The following CHRNB4 variants were observed in gnomAD, a reference collection of about 807,000 sequenced individuals.
CHRNB4 encodes the protein cholinergic receptor nicotinic beta 4 subunit, also known as neuronal acetylcholine receptor subunit beta-4.
A neutral mutation model predicts 40.4 loss-of-function variants in CHRNB4; 23 were observed. The observed-to-expected ratio is 0.57, with a 90% confidence interval of 0.41 to 0.81. CHRNB4 has a LOEUF of 0.81. CHRNB4 is among the 30% of genes least tolerant of loss of function. CHRNB4 has a pLI of 0.00. For synonymous variants in CHRNB4, 285 were observed against 274.4 expected (o/e 1.04, Z -0.38); for missense variants, 568 against 670.6 (o/e 0.85, Z 1.69).
Position 78,629,438 on chromosome 15 carries a change from G to C in CHRNB4, c.867C>G (p.Ser289=), listed in dbSNP as rs1165252545. The C allele has an allele frequency of 6.2e-7, 1 of 1,613,986 alleles. No individual in the cohort carries two copies. The highest frequency in any genetic ancestry group is 1.3e-5 in the African/African-American group (1 of 74,906). Residue 289 remains serine, a synonymous_variant, in exon 5 of 6, where the codon TCC becomes TCG. Transcript: ENST00000261751. This position sits in a 1 kb window ranked among gnomAD's most constrained non-coding sequence, Gnocchi z 6.8. Reference sequence around the variant, plus strand: ...ACTTGCCGATGAGAGGCACATCGAGGGAGGTGGGTGGCACGATCTTGGAGA... The same window carrying C: ...ACTTGCCGATGAGAGGCACATCGAGCGAGGTGGGTGGCACGATCTTGGAGA... The part of the protein sequence containing the change: ...LLISKIVPPT[S]LDVPLIGKYL...
rs146091171 is a variant in CHRNB4, at chr15:78,634,551, G to C, written c.204+888C>G. On this transcript the variant is annotated intron_variant, in intron 2 of 5. Transcript: ENST00000261751. The stretch of plus-strand genomic sequence containing the variant: ...GGCCAAAGCCTTCCTGAGGGCTGTA[G>C]GTTTGACAGGCTGGGTGTGTGTGGG... The C allele has an allele frequency of 2.5e-3, 873 of 348,024 alleles. 11 individuals are homozygous for C. Among genetic ancestry groups the C allele is most frequent in the African/African-American group, 0.015 (712 of 46,994 alleles). 21.6% of individuals were successfully genotyped at this position (348,024 alleles called of 1,614,324 possible).
upstream of CHRNB4, chr15:78,660,937 C>G: frequency 2.6e-6 from 1 of 391,344 alleles, no homozygotes; most frequent in Non-Finnish European, 4.9e-6. Flanking sequence ...TTGATTGAAA[C>G]GCAGTTTCTG....
intron 1 of CHRNB4, among the ~76,000 whole-genome samples, chr15:78,640,401 TCA>T (rs1324150923): frequency 6.6e-6 from 1 of 152,198 alleles, no homozygotes; most frequent in African/African-American, 2.4e-5. Flanking sequence ...AGCCTGGCCC[TCA>T]GTCAAGCTGG....
At chr15:78,633,132 G>A (rs140866916) in intron 2 of CHRNB4, among the ~76,000 whole-genome samples, 72 of 152,216 alleles carry the variant, frequency 4.7e-4, no homozygotes, top group Non-Finnish European at 7.9e-4. Context: ...TAAGTCTTGT[G>A]TTCTCAGTCT....
chr15:78,632,915 C>G (rs2053865166), intron 2 of CHRNB4, among the ~76,000 whole-genome samples: 1 of 152,144 alleles, frequency 6.6e-6, no homozygotes, highest in African/African-American at 2.4e-5. Flanking sequence ...CGTACGCAGC[C>G]CAAATAAACC....
intron 6 of CHRNB4, among the ~76,000 whole-genome samples, chr15:78,650,525 C>T (rs970220737): frequency 4.6e-5 from 7 of 152,216 alleles, no homozygotes; most frequent in African/African-American, 1.7e-4. Flanking sequence ...TCACCCCCAA[C>T]CTGAACTGCC....
upstream of CHRNB4, among the ~76,000 whole-genome samples, chr15:78,644,626 T>G (rs111256493): frequency 9.3e-4 from 141 of 152,274 alleles, no homozygotes; most frequent in African/African-American, 3.1e-3. Context: ...ACAAAAGGCC[T>G]AAGACAAATA....
chr15:78,625,955 G>A (rs940089474), intron 5 of CHRNB4: 1 of 152,412 alleles, frequency 6.6e-6, no homozygotes, highest in Non-Finnish European at 1.5e-5. Context: ...TTGCACTGGG[G>A]GAGAACCTAG....
At position 78,629,384 on chromosome 15, in the gene CHRNB4, G is replaced by A; in HGVS notation, c.921C>T (p.Thr307=). Residue 307 remains threonine, a synonymous_variant, in exon 5 of 6, where the codon ACC becomes ACT. Transcript: ENST00000261751. This position sits in a 1 kb window ranked among gnomAD's most constrained non-coding sequence, Gnocchi z 6.8. ...CACAGACGCTGGTGACGATGGAGAA[G>A]GTGACCAGCACCATGGTGAACATGA... ...KYLMFTMVLV[T]FSIVTSVCVL... The A allele has an allele frequency of 1.2e-6, 2 of 1,614,138 alleles. No homozygotes were observed. The highest frequency in any genetic ancestry group is 1.7e-6 in the Non-Finnish European group (2 of 1,180,024).
Position 78,629,348 on chromosome 15 carries a change from C to T in CHRNB4, c.957G>A (p.Val319=), listed in dbSNP as rs149208039. The change falls in exon 5 of 6, where the codon GTG becomes GTA. Residue 319 remains valine, a synonymous_variant. Transcript: ENST00000261751. This position sits in a 1 kb window ranked among gnomAD's most constrained non-coding sequence, Gnocchi z 6.8. ...SIVTSVCVLN[V]HHRSPSTHTM... ...TGTGGGTGCTGGGCGAGCGGTGGTG[C>T]ACATTGAGCACACAGACGCTGGTGA... 9.3e-6 allele frequency: 15 copies of T among 1,613,914 alleles called. No individual in the cohort carries two copies. Among genetic ancestry groups the T allele is most frequent in the Non-Finnish European group, 1.3e-5 (15 of 1,180,036 alleles).
chr15:78,635,566 G>C lies in CHRNB4; in HGVS notation c.77C>G (p.Ala26Gly). The C allele has an allele frequency of 1.2e-6, 2 of 1,614,070 alleles. No individual in the cohort carries two copies. The highest frequency in any genetic ancestry group is 1.7e-6 in the Non-Finnish European group (2 of 1,179,998). ...AAGGTCGTCCATCAGCTTTTCCTCC[G>C]CATTGGCCACGCGGCAGTTCCCTGA... ...CGRGNCRVAN[A>G]EEKLMDDLLN... is the part of the protein sequence containing the mutation. Residue 26 changes from alanine to glycine, a missense_variant, in exon 2 of 6, where the codon GCG (alanine) becomes GGG (glycine). By Grantham distance (60) the Ala-to-Gly change is moderately conservative. Around this residue, in one of 4 missense-constraint regions of CHRNB4, gnomAD observed 161 missense variants for 148.1 expected, o/e 1.09. Transcript: ENST00000261751.
intron 5 of CHRNB4, among the ~76,000 whole-genome samples, chr15:78,655,008 T>A (rs1442950436): frequency 6.6e-6 from 1 of 152,184 alleles, no homozygotes; most frequent in Admixed American, 6.5e-5. Context: ...ATTTTAAAAA[T>A]GTACAACTTG....
intron 5 of CHRNB4, 33 bp downstream of exon 5, chr15:78,628,934 G>T: frequency 6.3e-7 from 1 of 1,582,610 alleles, no homozygotes; most frequent in South Asian, 1.2e-5. Flanking sequence ...CCTTTCTGTT[G>T]GGCAGGTGGG....
At chr15:78,641,805 A>G (rs573189519), upstream of CHRNB4, among the ~76,000 whole-genome samples, 2 of 152,178 alleles carry the variant, frequency 1.3e-5, no homozygotes, top group Non-Finnish European at 2.9e-5. Flanking sequence ...GTCCTCCCCC[A>G]TGGGCCTTCC....
upstream of CHRNB4, chr15:78,641,217 C>G (rs148785662): frequency 5.6e-6 from 7 of 1,257,582 alleles, no homozygotes; most frequent in Non-Finnish European, 5.2e-6. Flanking sequence ...GAGTGAGCGC[C>G]GGTCCTGGCC....
chr15:78,628,831 A>G, intron 5 of CHRNB4, 136 bp downstream of exon 5: 3 of 1,121,264 alleles, frequency 2.7e-6, no homozygotes, highest in Non-Finnish European at 3.8e-6. Flanking sequence ...ACACAAACTC[A>G]TTTCAATTTT....
intron 5 of CHRNB4, among the ~76,000 whole-genome samples, chr15:78,654,864 C>T (rs1202616403): frequency 6.6e-6 from 1 of 152,202 alleles, no homozygotes; most frequent in Non-Finnish European, 1.5e-5. Context: ...CCCTGTACTT[C>T]CTCCAGGTCC....
intron 5 of CHRNB4, chr15:78,627,239 G>A (rs754232652): frequency 6.6e-6 from 1 of 152,218 alleles, no homozygotes; most frequent in Non-Finnish European, 1.5e-5. Context: ...AAATCTGAGA[G>A]TCCTATAGAG....
Position 78,656,881 on chromosome 15 carries a change from C to G in CHRNB4, c.-708-191G>C, listed in dbSNP as rs570894715. Among the ~76,000 whole-genome samples, 3 of 152,298 alleles carry G rather than the reference C, an allele frequency of 2.0e-5. No homozygotes were observed. In the South Asian group the frequency reaches 6.2e-4, roughly 32 times the overall value. ...GGCCCTCTTATTCTACATTCTCTCC[C>G]TAGCACACCTGCATGCATAGCTTAC... is the stretch of plus-strand genomic sequence containing the variant. On this transcript the variant is annotated intron_variant and NMD_transcript_variant, in intron 3 of 11. Transcript: ENST00000559849.
Sources: allele counts gnomAD v4.1 joint callset (sites outside exome capture counted in the v4.1 genomes callset), GRCh38; gene constraint gnomAD v4.1.1; regional missense constraint gnomAD v4.1.1; non-coding constraint Gnocchi (gnomAD v3.1); transcripts MANE v1.5; gene names NCBI Gene and HGNC (gene_info 2026-07-23, HGNC 2026-07-21).